WDR93: variants seen among roughly 807,000 people sequenced by gnomAD.
The protein encoded by WDR93 is WD repeat-containing protein 93.
Under a neutral mutation model 82.9 loss-of-function variants are expected in WDR93, and 73 were observed. The ratio of observed to expected loss-of-function variants is 0.88; its 90% CI spans 0.73 to 1.07. The LOEUF (loss-of-function observed/expected upper bound fraction) is 1.07. Among genes scored for constraint, WDR93 ranks in the 50% least tolerant of loss-of-function variants. The pLI, the probability that WDR93 is intolerant of heterozygous loss-of-function variation, is 0.00. For synonymous variants in WDR93, 283 were observed against 300.1 expected, an observed-to-expected ratio of 0.94 and a Z score of 0.59; for missense variants, 738 against 826.0, an observed-to-expected ratio of 0.89 and a Z score of 1.31.
chr15:89,694,875 G>A (rs1000572114), intron 1 of WDR93, among the ~76,000 whole-genome samples: 8 of 152,036 alleles, frequency 5.3e-5, no homozygotes, highest in African/African-American at 9.7e-5. Flanking sequence ...GGTATGGATC[G>A]GCATTCATTT....
At chr15:89,727,351 A>T (rs779657415) in intron 9 of WDR93, 23 bp downstream of exon 9, 1 of 1,611,070 alleles carries the variant, frequency 6.2e-7, no homozygotes, top group South Asian at 1.1e-5. Flanking sequence ...ATCCCGGGAA[A>T]GCCAGGGAGC....
At chr15:89,727,752 A>T (rs931875781) in intron 9 of WDR93, among the ~76,000 whole-genome samples, 3 of 151,842 alleles carry the variant, frequency 2.0e-5, no homozygotes, top group Non-Finnish European at 4.4e-5. Context: ...AGCTCTAAAA[A>T]TTTTTTTTTC....
intron 8 of WDR93, among the ~76,000 whole-genome samples, chr15:89,723,481 C>T (rs1030600740): frequency 4.6e-5 from 7 of 151,920 alleles, no homozygotes; most frequent in South Asian, 2.1e-4. Flanking sequence ...ATGCCAAAGG[C>T]GAAGAATAGA....
chr15:89,726,936 CAGA>C (rs1298613796), intron 8 of WDR93, among the ~76,000 whole-genome samples: 1 of 152,118 alleles, frequency 6.6e-6, no homozygotes, highest in African/African-American at 2.4e-5. Context: ...GATGAAGATA[CAGA>C]AGAAGGAGGA....
intron 7 of WDR93, among the ~76,000 whole-genome samples, chr15:89,720,174 C>T (rs925656693): frequency 6.6e-6 from 1 of 152,172 alleles, no homozygotes; most frequent in Non-Finnish European, 1.5e-5. Flanking sequence ...ATGCTATACA[C>T]TTGTATCTAA....
chr15:89,701,270 G>A (rs1406387447), intron 1 of WDR93, among the ~76,000 whole-genome samples: 3 of 152,126 alleles, frequency 2.0e-5, no homozygotes, highest in Admixed American at 2.0e-4. Flanking sequence ...GTCGGGATTG[G>A]GAGTGCTTGA....
chr15:89,725,510 C>T (rs1413468769), intron 8 of WDR93, among the ~76,000 whole-genome samples: 1 of 151,200 alleles, frequency 6.6e-6, no homozygotes, highest in Non-Finnish European at 1.5e-5. Context: ...AAAGGGGCCC[C>T]TGGGAAGCTT....
chr15:89,733,788 A>C (rs150505943), intron 13 of WDR93, among the ~76,000 whole-genome samples: 1 of 152,284 alleles, frequency 6.6e-6, no homozygotes, highest in African/African-American at 2.4e-5. Flanking sequence ...AACTGTAAGA[A>C]ATAAATTCCT....
chr15:89,739,835 G>A (rs1396380229), intron 16 of WDR93, among the ~76,000 whole-genome samples: 3 of 152,082 alleles, frequency 2.0e-5, no homozygotes, highest in African/African-American at 7.2e-5. Context: ...TCTCTGTGTA[G>A]ACTCTTTACT....
At chr15:89,698,516 T>C (rs1314061249) in intron 1 of WDR93, among the ~76,000 whole-genome samples, 1 of 152,226 alleles carries the variant, frequency 6.6e-6, no homozygotes, top group African/African-American at 2.4e-5. Flanking sequence ...TTTTTTGCTT[T>C]TTTAAATTAA....
At chr15:89,721,965 C>A in intron 7 of WDR93, 90 bp from the exon 8 acceptor site, 1 of 889,384 alleles carries the variant, frequency 1.1e-6, no homozygotes. Flanking sequence ...TTTTCCCCTT[C>A]TTTTCCACCT....
chr15:89,708,318 A>G (rs1965813123), intron 4 of WDR93, among the ~76,000 whole-genome samples: 1 of 152,280 alleles, frequency 6.6e-6, no homozygotes, highest in South Asian at 2.1e-4. Flanking sequence ...GAAAGATGCT[A>G]TTAGAGTTCA....
chr15:89,716,857 G>A, intron 6 of WDR93, 54 bp from the exon 7 acceptor site: 2 of 1,228,204 alleles, frequency 1.6e-6, no homozygotes, highest in East Asian at 2.5e-5. Flanking sequence ...ATTAAAGGGG[G>A]TGGTAAACAT....
chr15:89,697,981 G>A (rs1382805902), intron 1 of WDR93, among the ~76,000 whole-genome samples: 4 of 149,988 alleles, frequency 2.7e-5, no homozygotes, highest in South Asian at 2.1e-4. Flanking sequence ...CTGGGTTCAC[G>A]CCATTCTCCT....
At position 89,743,346 on chromosome 15, in the gene WDR93, T is replaced by TCAGAGGTACTCCTTGTCGCTC. The variant is rs1567137251; in HGVS notation, c.2022_2042dup (p.Tyr675_Arg681dup). ...AGGAGGAGGAGCACTGGGCCCGGCTTCAGAGGTACTCCTTGTCGCTCCAGA... is the reference window on the plus strand; with the variant it reads ...AGGAGGAGGAGCACTGGGCCCGGCTTCAGAGGTACTCCTTGTCGCTCCAGAGGTACTCCTTGTCGCTCCAGA... On this transcript the variant is annotated inframe_insertion, in exon 17 of 17. Coordinates refer to ENST00000268130, the MANE Select transcript of WDR93 (RefSeq NM_020212.2). 1 of 1,614,114 alleles carries TCAGAGGTACTCCTTGTCGCTC rather than the reference T, an allele frequency of 6.2e-7. No homozygotes were observed. Among genetic ancestry groups the TCAGAGGTACTCCTTGTCGCTC allele is most frequent in the East Asian group, 2.2e-5 (1 of 44,868 alleles).
chr15:89,696,019 G>T (rs940328248), intron 1 of WDR93, among the ~76,000 whole-genome samples: 4 of 151,980 alleles, frequency 2.6e-5, no homozygotes, highest in Non-Finnish European at 5.9e-5. Flanking sequence ...GTTTTGCCAT[G>T]TTGCCCAGGC....
chr15:89,725,078 A>G (rs896125605), intron 8 of WDR93, among the ~76,000 whole-genome samples: 1 of 152,184 alleles, frequency 6.6e-6, no homozygotes, highest in Non-Finnish European at 1.5e-5. Context: ...TAGTCACCCT[A>G]CTTCTAGGAA....
chr15:89,732,615 C>CCACA (rs58806438), intron 12 of WDR93, among the ~76,000 whole-genome samples: 23,881 of 148,440 alleles, frequency 0.16, 2,165 homozygotes, highest in Middle Eastern at 0.22. Context: ...TGTTGTTTGG[C>CCACA]CACACACACA....
chr15:89,717,045 C>CTTTTTTTT (rs11457156), intron 7 of WDR93, 96 bp downstream of exon 7: 19 of 172,132 alleles, frequency 1.1e-4, no homozygotes, highest in African/African-American at 3.1e-4. Flanking sequence ...CTTTTTCTTT[C>CTTTTTTTT]TTTTTTTTTT....
Sources: allele counts gnomAD v4.1 joint callset (sites outside exome capture counted in the v4.1 genomes callset), GRCh38; gene constraint gnomAD v4.1.1; transcripts MANE v1.5; gene names NCBI Gene and HGNC (gene_info 2026-07-23, HGNC 2026-07-21).